SPG7: variants seen among roughly 807,000 people sequenced by gnomAD.
SPG7 encodes the protein mitochondrial inner membrane m-AAA protease component paraplegin.
A neutral mutation model predicts 81.9 loss-of-function variants in SPG7; 103 were observed. The observed-to-expected ratio is 1.26, with a 90% CI of 1.07 to 1.48. SPG7 has a LOEUF of 1.48. Ranked by LOEUF, SPG7 falls within the 40% of genes most tolerant of loss-of-function variation. SPG7 has a pLI of 0.00. For synonymous variants in SPG7, 534 were observed against 444.2 expected, an observed-to-expected ratio of 1.20 and a Z score of -2.54; for missense variants, 1,241 against 1,087.3, an observed-to-expected ratio of 1.14 and a Z score of -1.99.
At chr16:89,540,768 C>A in intron 9 of SPG7, 2 of 425,852 alleles carry the variant, frequency 4.7e-6, no homozygotes, top group Non-Finnish European at 6.3e-6. Context: ...TCCACATGCG[C>A]TCACCACATG....
intron 9 of SPG7, among the ~76,000 whole-genome samples, chr16:89,535,134 A>C (rs2058395058): frequency 6.6e-6 from 1 of 152,128 alleles, no homozygotes; most frequent in Admixed American, 6.5e-5. Flanking sequence ...CGAGCAGTGC[A>C]TTTGGCAGGA....
intron 2 of SPG7, 37 bp downstream of exon 2, chr16:89,510,629 G>A (rs756842460): frequency 3.1e-6 from 4 of 1,270,542 alleles, no homozygotes; most frequent in Non-Finnish European, 4.6e-6. Flanking sequence ...GAGCATGACT[G>A]CACACTTACC....
chr16:89,549,456 T>A, intron 12 of SPG7: 2 of 359,336 alleles, frequency 5.6e-6, no homozygotes, highest in South Asian at 4.2e-5. Context: ...GCCAGGAGTT[T>A]GAGACCAGCC....
At chr16:89,547,891 G>C (rs1164198741) in intron 11 of SPG7, 112 bp from the exon 12 acceptor site, 1 of 822,820 alleles carries the variant, frequency 1.2e-6, no homozygotes, top group African/African-American at 1.7e-5. Flanking sequence ...GGGATTACAG[G>C]GGTGAGCCAC....
chr16:89,550,503 A>G lies in SPG7; in HGVS notation c.1673A>G (p.Lys558Arg). 6.2e-7 allele frequency: 1 copy of G among 1,613,480 alleles called. No individual in the cohort carries two copies. The highest frequency in any genetic ancestry group is 2.2e-5 in the East Asian group (1 of 44,886). The change falls in exon 13 of 17, where the codon AAA (lysine) becomes AGA (arginine). Residue 558 changes from lysine to arginine, a missense_variant. By Grantham distance (26) the Lys-to-Arg change is conservative. Transcript: ENST00000645818. ...AVERVLAGTA[K>R]KSKILSKEEQ... is the part of the protein sequence containing the mutation. The stretch of plus-strand genomic sequence containing the variant: ...CCCGGCATTCTTTCAGGGACTGCCA[A>G]AAAGAGCAAGATCCTGTCCAAGGAA...
At position 89,508,488 on chromosome 16, in the gene SPG7, G is replaced by A; in HGVS notation, c.71G>A (p.Gly24Asp). The stretch of plus-strand genomic sequence containing the variant: ...GGCCCGGGTCCTCGGCCGCTGTGGG[G>A]CCCAGGCCCGGCCTGGAGTCCAGGG... ...GPGPGPRPLW[G>D]PGPAWSPGFP... The change falls in exon 1 of 17, where the codon GGC (glycine) becomes GAC (aspartate). Residue 24 changes from glycine to aspartate, a missense_variant. Transcript: ENST00000645818. The A allele has an allele frequency of 6.6e-7, 1 of 1,510,630 alleles. No individual in the cohort carries two copies. Among genetic ancestry groups the A allele is most frequent in the Non-Finnish European group, 8.8e-7 (1 of 1,136,376 alleles). 93.6% of individuals were successfully genotyped at this position (1,510,630 alleles called of 1,614,324 possible).
In SPG7 at chr16:89,547,776, C is replaced by G. The variant is rs957941654; in HGVS notation, c.1553-227C>G. ...TACAGGCGCTCACCACCACGCCCGG[C>G]TAATTTTTGTATTTTTAGTAGCAAT... On this transcript the variant is annotated intron_variant, in intron 11 of 16. Transcript: ENST00000645818. 8 of 494,890 alleles carry G rather than the reference C, an allele frequency of 1.6e-5. No homozygotes were observed. In the Admixed American group the frequency reaches 2.5e-4, roughly 16 times the overall value. The allele number at this position is 494,890 out of a possible 1,614,324, so 30.7% of individuals were successfully genotyped here.
chr16:89,518,427 G>C (rs1161026937), intron 3 of SPG7: 1 of 152,150 alleles, frequency 6.6e-6, no homozygotes, highest in African/African-American at 2.4e-5. Flanking sequence ...GGAATTATAC[G>C]GAGTGAAAAA....
At chr16:89,546,625 G>C in intron 10 of SPG7, 33 bp from the exon 11 acceptor site, 1 of 1,488,946 alleles carries the variant, frequency 6.7e-7, no homozygotes, top group Non-Finnish European at 9.4e-7. Flanking sequence ...CTAGGCTTGA[G>C]CCCGACTGTC....
intron 8 of SPG7, among the ~76,000 whole-genome samples, 169 bp downstream of exon 8, chr16:89,532,235 T>A (rs1042994158): frequency 2.6e-5 from 4 of 152,314 alleles, no homozygotes; most frequent in African/African-American, 9.6e-5. Context: ...GCACATGATG[T>A]TTGCTTCAAA....
At chr16:89,546,263 T>C (rs2058561973) in intron 10 of SPG7, 2 of 317,906 alleles carry the variant, frequency 6.3e-6, no homozygotes, top group Admixed American at 9.0e-5. Flanking sequence ...ATTTTTGTAT[T>C]TTAGTAGGGA....
chr16:89,555,112 T>G (rs1432081728), intron 16 of SPG7: 1 of 156,094 alleles, frequency 6.4e-6, no homozygotes, highest in Non-Finnish European at 1.4e-5. Flanking sequence ...AGATGGAGTC[T>G]CTCTCTGTCA....
intron 9 of SPG7, chr16:89,536,971 T>G: frequency 1.9e-6 from 3 of 1,613,976 alleles, no homozygotes; most frequent in Non-Finnish European, 2.5e-6. Context: ...CAAACGATCT[T>G]CTCCACATAA....
rs764442707 is a variant in SPG7, at chr16:89,524,101, C to T, written c.472C>T (p.Leu158Phe). The part of the protein sequence containing the change: ...IAVVMSLLNA[L>F]STSGGSISWN... ...GGTTGTCATGAGCCTCCTGAATGCT[C>T]TCAGCACCAGCGGAGGCAGCATTTC... The change falls in exon 4 of 17, where the codon CTC becomes TTC. Residue 158 changes from leucine to phenylalanine, a missense_variant. By Grantham distance (22) the Leu-to-Phe change is conservative. Coordinates refer to ENST00000645818, the MANE Select transcript of SPG7 (RefSeq NM_003119.4). 3 of 1,613,968 alleles carry T rather than the reference C, an allele frequency of 1.9e-6. No individual in the cohort carries two copies. In the Admixed American group the frequency reaches 5.0e-5, roughly 27 times the overall value.
At chr16:89,544,546 G>A (rs758491062) in intron 9 of SPG7, 102 bp from the exon 10 acceptor site, 1 of 1,381,556 alleles carries the variant, frequency 7.2e-7, no homozygotes. Flanking sequence ...TGGGCCTTAG[G>A]GGGGTCTCTC....
rs115999025 is a variant in SPG7 at position 89,532,525 on chromosome 16, G to C, written c.1213G>C (p.Val405Leu). ...AGCCCGAGCCCGGGCCCCCTGCATC[G>C]TCTACATCGATGAGATCGACGCGGT... ...KEARARAPCI[V>L]YIDEIDAVGK... Residue 405 changes from valine to leucine, a missense_variant, in exon 9 of 17, where the codon GTC becomes CTC. Physicochemically the swap from Val to Leu is conservative, Grantham distance 32 (BLOSUM62 1). Transcript: ENST00000645818. The C allele has an allele frequency of 6.2e-7, 1 of 1,613,610 alleles. No homozygotes were observed. Among genetic ancestry groups the C allele is most frequent in the East Asian group, 2.2e-5 (1 of 44,892 alleles).
In SPG7 at chr16:89,536,898, C is replaced by T. The variant is rs774961767; in HGVS notation, c.1324+4262C>T. Reference sequence around the variant, plus strand: ...AGGGTCATTCGCTCTGCTGGGGTTGCCTTTTGCACTGAAGATAGAGACCAC... The same window carrying T: ...AGGGTCATTCGCTCTGCTGGGGTTGTCTTTTGCACTGAAGATAGAGACCAC... On this transcript the variant is annotated intron_variant, in intron 9 of 16. Transcript: ENST00000645818. 2.5e-6 allele frequency: 4 copies of T among 1,614,046 alleles called. No individual in the cohort carries two copies. In the East Asian group the frequency reaches 8.9e-5, roughly 36 times the overall value.
intron 9 of SPG7, chr16:89,536,983 C>T (rs1462578406): frequency 8.1e-6 from 13 of 1,613,764 alleles, no homozygotes; most frequent in South Asian, 1.1e-5. Context: ...TCCACATAAC[C>T]TCTCTGTGCC....
At chr16:89,556,850 C>T in intron 16 of SPG7, 37 bp from the exon 17 acceptor site, 2 of 1,515,386 alleles carry the variant, frequency 1.3e-6, no homozygotes, top group East Asian at 2.3e-5. Context: ...TCTGTCTGCC[C>T]TGGGGACTCA....
Sources: allele counts gnomAD v4.1 joint callset (sites outside exome capture counted in the v4.1 genomes callset), GRCh38; gene constraint gnomAD v4.1.1; transcripts MANE v1.5; gene names NCBI Gene and HGNC (gene_info 2026-07-23, HGNC 2026-07-21).